The following WDR64 variants were observed in gnomAD, a reference collection of about 807,000 sequenced individuals.
WDR64 encodes WD repeat-containing protein 64.
WDR64 carries 112 observed loss-of-function variants against 139.3 expected under a neutral mutation model. That is an observed-to-expected ratio of 0.80 (90% CI 0.69 to 0.94). WDR64 has a LOEUF of 0.94. WDR64 is among the 40% of genes least tolerant of loss of function. WDR64 has a pLI of 0.00. For synonymous variants in WDR64, 444 were observed against 437.7 expected (o/e 1.01, Z -0.18); for missense variants, 1,206 against 1,293.1 (o/e 0.93, Z 1.03).
At chr1:241,654,010 C>T (rs913537667) in intron 1 of WDR64, among the ~76,000 whole-genome samples, 2 of 152,174 alleles carry the variant, frequency 1.3e-5, no homozygotes, top group African/African-American at 4.8e-5. Context: ...AAACCCTTGA[C>T]ACTTTTTCTG....
chr1:241,741,039 A>G (rs1415857729), intron 11 of WDR64, among the ~76,000 whole-genome samples: 1 of 152,196 alleles, frequency 6.6e-6, no homozygotes, highest in Non-Finnish European at 1.5e-5. Flanking sequence ...GTTACATTTA[A>G]TAAGACCATG....
chr1:241,745,793 G>A (rs1442667805), intron 13 of WDR64, among the ~76,000 whole-genome samples: 2 of 152,010 alleles, frequency 1.3e-5, no homozygotes, highest in Non-Finnish European at 2.9e-5. Context: ...CCTGGGAAGT[G>A]AGATTCTGAC....
chr1:241,758,615 C>T (rs964336551), intron 15 of WDR64, among the ~76,000 whole-genome samples: 1 of 152,076 alleles, frequency 6.6e-6, no homozygotes, highest in African/African-American at 2.4e-5. Context: ...AATTTAAATG[C>T]TCTTGATGTG....
chr1:241,737,224 G>T (rs1669364174), intron 10 of WDR64, among the ~76,000 whole-genome samples: 1 of 152,204 alleles, frequency 6.6e-6, no homozygotes, highest in South Asian at 2.1e-4. Flanking sequence ...TACAAGTTCT[G>T]ATAATACTAG....
chr1:241,764,821 G>T (rs1187298045), intron 15 of WDR64, among the ~76,000 whole-genome samples: 1 of 152,196 alleles, frequency 6.6e-6, no homozygotes, highest in Non-Finnish European at 1.5e-5. Context: ...TGAAAGAAAG[G>T]AAGGAAAGAA....
rs951577044 is a variant in WDR64 at position 241,775,148 on chromosome 1, C to T, written c.2474C>T (p.Ala825Val). ...KDMLPFTKHS[A>V]ISLTSLYTDS... Reference sequence around the variant, plus strand: ...ATGCTACCTTTCACAAAACATTCTGCCATTTCTCTGACATCGCTGTATACT... The same window carrying T: ...ATGCTACCTTTCACAAAACATTCTGTCATTTCTCTGACATCGCTGTATACT... The change falls in exon 21 of 28, where the codon GCC (alanine) becomes GTC (valine). Residue 825 changes from alanine (A) to valine (V), a missense_variant. Ala to Val is a moderately conservative substitution (Grantham distance 64). Transcript: ENST00000437684. 1.3e-6 allele frequency: 2 copies of T among 1,551,064 alleles called. No homozygotes were observed. The highest frequency in any genetic ancestry group is 8.7e-7 in the Non-Finnish European group (1 of 1,146,830).
intron 8 of WDR64, among the ~76,000 whole-genome samples, chr1:241,699,686 G>T (rs1667634451): frequency 6.6e-6 from 1 of 152,188 alleles, no homozygotes; most frequent in South Asian, 2.1e-4. Context: ...AGGTAGCAGA[G>T]TGGATAAATA....
intron 27 of WDR64, among the ~76,000 whole-genome samples, chr1:241,797,407 T>C (rs542935101): frequency 1.3e-5 from 2 of 152,330 alleles, no homozygotes; most frequent in Admixed American, 6.5e-5. Flanking sequence ...TATCCAGTCA[T>C]TAAAATAGAT....
At chr1:241,683,219 C>T (rs1422121824) in intron 6 of WDR64, among the ~76,000 whole-genome samples, 5 of 152,256 alleles carry the variant, frequency 3.3e-5, no homozygotes, top group Admixed American at 6.5e-5. Context: ...TTTACAGTCA[C>T]GCATCAGAAA....
At chr1:241,776,747 G>A (rs1343028023) in intron 21 of WDR64, among the ~76,000 whole-genome samples, 1 of 152,146 alleles carries the variant, frequency 6.6e-6, no homozygotes, top group Non-Finnish European at 1.5e-5. Context: ...TATGTGGCAA[G>A]CCTTTTCTGA....
chr1:241,727,802 G>A (rs1668903584), intron 10 of WDR64, among the ~76,000 whole-genome samples: 1 of 152,114 alleles, frequency 6.6e-6, no homozygotes, highest in Non-Finnish European at 1.5e-5. Flanking sequence ...CACTTTGGGA[G>A]GTTGAGCCAG....
At chr1:241,713,337 A>AGGG (rs1668250970) in intron 9 of WDR64, among the ~76,000 whole-genome samples, 1 of 93,378 alleles carries the variant, frequency 1.1e-5, no homozygotes, top group African/African-American at 4.0e-5. Context: ...GGAAGGAAGG[A>AGGG]AGGGAGGGAG....
At chr1:241,776,068 G>T (rs1333601489) in intron 21 of WDR64, among the ~76,000 whole-genome samples, 3 of 151,790 alleles carry the variant, frequency 2.0e-5, no homozygotes, top group Admixed American at 6.6e-5. Flanking sequence ...TTCAAAATTT[G>T]TTTTAATTTT....
intron 10 of WDR64, among the ~76,000 whole-genome samples, chr1:241,737,467 C>T (rs1285009308): frequency 1.3e-5 from 2 of 152,102 alleles, no homozygotes; most frequent in African/African-American, 4.8e-5. Context: ...TTAATGGTCA[C>T]CCATTTACTC....
At chr1:241,732,192 C>T (rs1009602188) in intron 10 of WDR64, among the ~76,000 whole-genome samples, 1 of 152,150 alleles carries the variant, frequency 6.6e-6, no homozygotes, top group African/African-American at 2.4e-5. Flanking sequence ...CCCCAGACCC[C>T]TTGCTCTATC....
At chr1:241,686,685 C>T (rs984885187) in intron 7 of WDR64, among the ~76,000 whole-genome samples, 1 of 152,138 alleles carries the variant, frequency 6.6e-6, no homozygotes, top group Admixed American at 6.5e-5. Flanking sequence ...GAACTGATGG[C>T]CAACACTCTG....
chr1:241,709,498 C>T (rs1047856867), intron 8 of WDR64, among the ~76,000 whole-genome samples: 2 of 152,104 alleles, frequency 1.3e-5, no homozygotes, highest in Non-Finnish European at 2.9e-5. Flanking sequence ...ACTATGGTTC[C>T]AGCTACTTGG....
rs7552748 is a variant in WDR64 at position 241,742,999 on chromosome 1, C to G, written c.1470+1335C>G. 6.8e-3 allele frequency among the ~76,000 whole-genome samples: 1,029 copies of G among 152,276 alleles called. 10 individuals are homozygous for G. The highest frequency in any genetic ancestry group is 0.024 in the African/African-American group (978 of 41,548). ...TAGCAGACAGCATTCCTCTGGGGAC[C>G]CTTCAAATTACCTCTCAGTCTCTGA... On this transcript the variant is annotated intron_variant, in intron 12 of 27. Coordinates refer to ENST00000437684, the MANE Select transcript of WDR64 (RefSeq NM_001367482.1).
At chr1:241,692,871 A>C (rs756019567) in intron 8 of WDR64, among the ~76,000 whole-genome samples, 1 of 152,224 alleles carries the variant, frequency 6.6e-6, no homozygotes, top group Non-Finnish European at 1.5e-5. Context: ...ATACCAGTAC[A>C]TACATATTAG....
Sources: allele counts gnomAD v4.1 joint callset (sites outside exome capture counted in the v4.1 genomes callset), GRCh38; gene constraint gnomAD v4.1.1; transcripts MANE v1.5; gene names NCBI Gene and HGNC (gene_info 2026-07-23, HGNC 2026-07-21).